Variants in CAP2 observed in about 807,000 individuals in gnomAD.
The protein encoded by CAP2 is cyclase associated actin cytoskeleton regulatory protein 2, also known as adenylyl cyclase-associated protein 2.
A neutral mutation model predicts 57.7 loss-of-function variants in CAP2; 24 were observed. The observed-to-expected ratio is 0.42, with a 90% CI of 0.30 to 0.58. The LOEUF (loss-of-function observed/expected upper bound fraction) is 0.58, where lower values mean the gene tolerates loss of function less well. CAP2 is among the 20% of genes least tolerant of loss of function. The probability of loss-of-function intolerance (pLI) is 0.22; values close to 1 mark genes in which losing one functional copy is unlikely to be tolerated. For missense variants in CAP2, 501 were observed against 590.3 expected, an observed-to-expected ratio of 0.85 and a Z score of 1.57; for synonymous variants, 194 against 207.2, an observed-to-expected ratio of 0.94 and a Z score of 0.55.
chr6:17,519,306 A>C (rs1008489438), intron 7 of CAP2, among the ~76,000 whole-genome samples: 1 of 151,088 alleles, frequency 6.6e-6, no homozygotes, highest in Non-Finnish European at 1.5e-5. Flanking sequence ...CTTTGAGACC[A>C]GCGATTTGAA....
chr6:17,531,545 T>G, intron 7 of CAP2: 1 of 1,541,132 alleles, frequency 6.5e-7, no homozygotes, highest in Non-Finnish European at 8.9e-7. Flanking sequence ...CTTTCTCAGG[T>G]GCTTGATCTT....
At chr6:17,460,108 C>T (rs1489612409) in intron 3 of CAP2, among the ~76,000 whole-genome samples, 1 of 151,986 alleles carries the variant, frequency 6.6e-6, no homozygotes, top group Non-Finnish European at 1.5e-5. Flanking sequence ...AGTCAATTTC[C>T]TACAAGGGAG....
chr6:17,477,437 G>T (rs1188987144), intron 4 of CAP2, among the ~76,000 whole-genome samples: 2 of 152,150 alleles, frequency 1.3e-5, no homozygotes. Flanking sequence ...TGCTCAACAG[G>T]AGACAAAATG....
chr6:17,401,983 A>G (rs919929698), intron 1 of CAP2, among the ~76,000 whole-genome samples: 2 of 152,216 alleles, frequency 1.3e-5, no homozygotes, highest in Non-Finnish European at 2.9e-5. Context: ...GTCTCTATAT[A>G]ATATATAATT....
intron 11 of CAP2, among the ~76,000 whole-genome samples, chr6:17,544,065 C>T (rs2113703640): frequency 1.4e-5 from 2 of 140,342 alleles, no homozygotes; most frequent in Admixed American, 1.6e-4. Context: ...GCAGAGGTTG[C>T]AGTGAACTGA....
rs75354134 is a variant in CAP2 at position 17,512,637 on chromosome 6, G to A, written c.531-1212G>A. Reference sequence around the variant, plus strand: ...ACTTAGGAAACTAACAAGAGAGACCGTTGGAGCTACACTTAGTTTTTGAGT... The same window carrying A: ...ACTTAGGAAACTAACAAGAGAGACCATTGGAGCTACACTTAGTTTTTGAGT... On this transcript the variant is annotated intron_variant, in intron 6 of 12. Transcript: ENST00000229922. 1.4e-3 allele frequency among the ~76,000 whole-genome samples: 219 copies of A among 152,302 alleles called. 6 individuals carry two copies. In the East Asian group the frequency reaches 0.039, roughly 27 times the overall value.
chr6:17,456,455 A>G (rs1406696306), intron 3 of CAP2, among the ~76,000 whole-genome samples: 1 of 152,072 alleles, frequency 6.6e-6, no homozygotes, highest in Non-Finnish European at 1.5e-5. Context: ...TCTTGTCTCA[A>G]TTTCATCTGT....
chr6:17,462,561 C>T (rs746652710), intron 3 of CAP2, among the ~76,000 whole-genome samples: 4 of 150,980 alleles, frequency 2.6e-5, no homozygotes, highest in African/African-American at 9.9e-5. Context: ...ATTCCTCCCT[C>T]CCAGCAGCCC....
Position 17,511,546 on chromosome 6 carries a change from G to A in CAP2, c.531-2303G>A, listed in dbSNP as rs192595395. ...AGCTCACTGCAATCTCTGCCTCCCG[G>A]GTTCAAGCAGTTCTCCTGCCTCAGC... On this transcript the variant is annotated intron_variant, in intron 6 of 12. Transcript: ENST00000229922. Among the ~76,000 whole-genome samples the A allele has an allele frequency of 8.7e-4, 132 of 152,182 alleles. 1 individual carries two copies. The highest frequency in any genetic ancestry group is 2.7e-3 in the African/African-American group (112 of 41,500).
intron 3 of CAP2, among the ~76,000 whole-genome samples, chr6:17,433,196 T>C (rs140310871): frequency 3.0e-4 from 45 of 152,256 alleles, no homozygotes; most frequent in African/African-American, 1.0e-3. Flanking sequence ...AAAAGCATCT[T>C]CAGCCATGCC....
chr6:17,485,916 T>C (rs908606019), intron 4 of CAP2, among the ~76,000 whole-genome samples: 1 of 152,246 alleles, frequency 6.6e-6, no homozygotes, highest in African/African-American at 2.4e-5. Context: ...ATCCTGTTTG[T>C]GTTCCCACAA....
intron 3 of CAP2, among the ~76,000 whole-genome samples, chr6:17,447,844 A>C (rs1230600099): frequency 6.6e-6 from 1 of 152,198 alleles, no homozygotes; most frequent in Non-Finnish European, 1.5e-5. Flanking sequence ...ATGCCTCAGA[A>C]AGGTTGGGTA....
At chr6:17,543,981 C>T (rs1193164742) in intron 11 of CAP2, among the ~76,000 whole-genome samples, 2 of 151,668 alleles carry the variant, frequency 1.3e-5, no homozygotes, top group South Asian at 2.1e-4. Flanking sequence ...AAAAATTAGC[C>T]GGGTGGGGTG....
intron 3 of CAP2, among the ~76,000 whole-genome samples, chr6:17,439,667 G>A (rs146400517): frequency 9.9e-5 from 15 of 151,606 alleles, no homozygotes; most frequent in South Asian, 6.2e-4. Context: ...TTATATTCTC[G>A]TAAGGAGCAC....
At chr6:17,460,635 A>T (rs1388981820) in intron 3 of CAP2, among the ~76,000 whole-genome samples, 2 of 152,202 alleles carry the variant, frequency 1.3e-5, no homozygotes, top group African/African-American at 4.8e-5. Flanking sequence ...AACATTTTAT[A>T]ATCTTTTTTT....
chr6:17,556,484 T>C lies in CAP2; in HGVS notation c.*42T>C, dbSNP rs762850221. ...ACCCCCTCACCTGAATCCCCCTCTA[T>C]CAAACAAACAAAAAAGCAGCAGTAA... On this transcript the variant is annotated 3_prime_UTR_variant, in exon 13 of 13. Coordinates refer to ENST00000229922, the MANE Select transcript of CAP2 (RefSeq NM_006366.3). 2.9e-6 allele frequency: 4 copies of C among 1,381,302 alleles called. No homozygotes were observed. Among genetic ancestry groups the C allele is most frequent in the African/African-American group, 1.4e-5 (1 of 70,320 alleles). 85.6% of individuals were successfully genotyped at this position (1,381,302 alleles called of 1,614,324 possible).
At chr6:17,528,329 A>AAAAAC (rs1463425320) in intron 7 of CAP2, among the ~76,000 whole-genome samples, 2 of 152,368 alleles carry the variant, frequency 1.3e-5, no homozygotes, top group East Asian at 3.9e-4. Flanking sequence ...TAAATTAGAG[A>AAAAAC]AAAACAAACA....
chr6:17,522,940 A>G (rs887124241), intron 7 of CAP2, among the ~76,000 whole-genome samples: 7 of 152,116 alleles, frequency 4.6e-5, no homozygotes, highest in Non-Finnish European at 1.0e-4. Flanking sequence ...TACTACAGCC[A>G]TATGCCACCA....
intron 6 of CAP2, among the ~76,000 whole-genome samples, chr6:17,509,137 T>G (rs1762073749): frequency 6.6e-6 from 1 of 152,144 alleles, no homozygotes; most frequent in Non-Finnish European, 1.5e-5. Flanking sequence ...AAGACAAATT[T>G]TATATGGAAT....
Sources: gnomAD v4.1 joint callset for allele counts (sites outside exome capture counted in the v4.1 genomes callset) on GRCh38, gnomAD v4.1.1 for gene constraint, MANE v1.5 for transcripts, NCBI Gene and HGNC (gene_info 2026-07-23, HGNC 2026-07-21) for gene names.